SLCO5A1: variants seen among roughly 807,000 people sequenced by gnomAD.
SLCO5A1 encodes the protein solute carrier organic anion transporter family member 5A1.
SLCO5A1 carries 39 observed loss-of-function variants against 65.1 expected under a neutral mutation model. The observed-to-expected ratio is 0.60, with a 90% confidence interval of 0.46 to 0.78. The LOEUF (loss-of-function observed/expected upper bound fraction) is 0.78. Ranked by LOEUF, SLCO5A1 falls within the 30% of genes least tolerant of loss-of-function variation. SLCO5A1 has a pLI of 0.00. For missense variants in SLCO5A1, 1,029 were observed against 1,069.4 expected (o/e 0.96, Z 0.53); for synonymous variants, 438 against 415.7 (o/e 1.05, Z -0.65).
At position 69,693,056 on chromosome 8, in the gene SLCO5A1, A is replaced by G. The variant is rs145081770; in HGVS notation, c.1623-10713T>C. ...ATCACTCCAAACTCATGACCAACGC[A>G]TTGCACTTCGACCTTATGACTACAA... On this transcript the variant is annotated intron_variant, in intron 6 of 9. Coordinates refer to ENST00000260126, the MANE Select transcript of SLCO5A1 (RefSeq NM_030958.3). Among the ~76,000 whole-genome samples the G allele has an allele frequency of 1.8e-3, 269 of 152,298 alleles. 1 individual carries two copies. The highest frequency in any genetic ancestry group is 6.1e-3 in the African/African-American group (252 of 41,568).
chr8:69,698,257 T>C (rs572682369), intron 6 of SLCO5A1, among the ~76,000 whole-genome samples: 1 of 152,334 alleles, frequency 6.6e-6, no homozygotes, highest in African/African-American at 2.4e-5. Context: ...AGTCTCTTAT[T>C]GATGGCCATT....
chr8:69,754,356 A>T (rs1410651173), intron 4 of SLCO5A1, among the ~76,000 whole-genome samples: 1 of 152,222 alleles, frequency 6.6e-6, no homozygotes, highest in Non-Finnish European at 1.5e-5. Context: ...TACAGTCTTT[A>T]AAAATGGTCC....
chr8:69,679,249 T>C, intron 8 of SLCO5A1, 129 bp downstream of exon 8: 1 of 1,279,244 alleles, frequency 7.8e-7, no homozygotes. Flanking sequence ...GGCAAATATC[T>C]GAGCGCCCTC....
chr8:69,684,628 A>G (rs1413920661), intron 6 of SLCO5A1, among the ~76,000 whole-genome samples: 1 of 152,162 alleles, frequency 6.6e-6, no homozygotes, highest in Non-Finnish European at 1.5e-5. Flanking sequence ...CTTATTTTGT[A>G]TATAATTAAT....
chr8:69,825,687 G>A lies in SLCO5A1; in HGVS notation c.907+6080C>T, dbSNP rs551982066. 2.6e-5 allele frequency among the ~76,000 whole-genome samples: 4 copies of A among 152,198 alleles called. No individual in the cohort carries two copies. In the South Asian group the frequency reaches 8.3e-4, roughly 32 times the overall value. ...CATGGGTAGGAAGAATCAATATCGT[G>A]AAAATGGCCATACTGCCCAAGGTAA... On this transcript the variant is annotated intron_variant, in intron 2 of 9. Coordinates refer to ENST00000260126, the MANE Select transcript of SLCO5A1 (RefSeq NM_030958.3).
intron 2 of SLCO5A1, among the ~76,000 whole-genome samples, chr8:69,769,793 G>A (rs1410651818): frequency 2.0e-5 from 3 of 152,086 alleles, no homozygotes; most frequent in Admixed American, 1.3e-4. Context: ...CCAGTGTAGG[G>A]TATCTTTCTG....
At chr8:69,810,156 A>G (rs1269175977) in intron 2 of SLCO5A1, among the ~76,000 whole-genome samples, 1 of 152,192 alleles carries the variant, frequency 6.6e-6, no homozygotes, top group African/African-American at 2.4e-5. Flanking sequence ...GAGGCACCGC[A>G]TTTAGTGGAA....
At chr8:69,701,401 T>C (rs2130807105) in intron 6 of SLCO5A1, among the ~76,000 whole-genome samples, 1 of 152,042 alleles carries the variant, frequency 6.6e-6, no homozygotes, top group East Asian at 1.9e-4. Flanking sequence ...AAGTGGGGAG[T>C]CTGGCATGAC....
intron 5 of SLCO5A1, among the ~76,000 whole-genome samples, chr8:69,716,725 C>G (rs1815556833): frequency 6.6e-6 from 1 of 150,874 alleles, no homozygotes; most frequent in African/African-American, 2.4e-5. Context: ...GATATAACTG[C>G]CTTAGCAGAT....
At chr8:69,697,314 C>T (rs1037935551) in intron 6 of SLCO5A1, among the ~76,000 whole-genome samples, 7 of 152,038 alleles carry the variant, frequency 4.6e-5, no homozygotes, top group Non-Finnish European at 1.0e-4. Context: ...CGCTTGAACC[C>T]GGGAGGTGGA....
At chr8:69,786,238 C>A (rs1819037133) in intron 2 of SLCO5A1, among the ~76,000 whole-genome samples, 1 of 152,130 alleles carries the variant, frequency 6.6e-6, no homozygotes, top group South Asian at 2.1e-4. Flanking sequence ...AAGAGTTCTG[C>A]ATTTCATATC....
chr8:69,829,568 C>T (rs934456602), intron 2 of SLCO5A1, among the ~76,000 whole-genome samples: 7 of 152,162 alleles, frequency 4.6e-5, no homozygotes, highest in Non-Finnish European at 7.4e-5. Flanking sequence ...GTCCCAGCTA[C>T]TTGAGAGGCT....
intron 2 of SLCO5A1, among the ~76,000 whole-genome samples, chr8:69,827,312 G>T (rs1004916319): frequency 6.6e-6 from 1 of 151,556 alleles, no homozygotes; most frequent in South Asian, 2.1e-4. Context: ...TTTAAAAAAA[G>T]AGAAAAAAAA....
intron 4 of SLCO5A1, among the ~76,000 whole-genome samples, chr8:69,741,486 G>C (rs1019545189): frequency 1.3e-5 from 2 of 152,178 alleles, no homozygotes; most frequent in Non-Finnish European, 2.9e-5. Context: ...GAACATAGCT[G>C]CCACAAATAA....
At chr8:69,786,659 C>T (rs1819051439) in intron 2 of SLCO5A1, among the ~76,000 whole-genome samples, 1 of 152,136 alleles carries the variant, frequency 6.6e-6, no homozygotes, top group Non-Finnish European at 1.5e-5. Flanking sequence ...CACACACACA[C>T]ACAACAACAA....
chr8:69,690,053 G>A (rs976237095), intron 6 of SLCO5A1, among the ~76,000 whole-genome samples: 14 of 85,932 alleles, frequency 1.6e-4, no homozygotes, highest in East Asian at 5.0e-4. Flanking sequence ...TTGCGGGTAC[G>A]GGGGGGCGCC....
At chr8:69,674,757 A>G (rs1464295048) in intron 9 of SLCO5A1, among the ~76,000 whole-genome samples, 1 of 151,962 alleles carries the variant, frequency 6.6e-6, no homozygotes, top group Non-Finnish European at 1.5e-5. Flanking sequence ...ATTGTGGCTC[A>G]CATCTGTAAT....
At chr8:69,693,295 A>G (rs1393984384) in intron 6 of SLCO5A1, among the ~76,000 whole-genome samples, 1 of 152,248 alleles carries the variant, frequency 6.6e-6, no homozygotes, top group Non-Finnish European at 1.5e-5. Context: ...CATCAGGTTC[A>G]TTCTACAAAA....
chr8:69,702,026 C>T (rs1236951313), intron 6 of SLCO5A1, among the ~76,000 whole-genome samples: 1 of 152,154 alleles, frequency 6.6e-6, no homozygotes, highest in Non-Finnish European at 1.5e-5. Context: ...CTGAAAAATA[C>T]AGAGTCACAT....
Sources: allele counts gnomAD v4.1 joint callset (sites outside exome capture counted in the v4.1 genomes callset), GRCh38; gene constraint gnomAD v4.1.1; transcripts MANE v1.5; gene names NCBI Gene and HGNC (gene_info 2026-07-23, HGNC 2026-07-21).